The following MFHAS1 variants were observed in gnomAD, a reference collection of about 807,000 sequenced individuals.
MFHAS1 encodes malignant fibrous histiocytoma-amplified sequence 1.
Under a neutral mutation model 70.4 loss-of-function variants are expected in MFHAS1, and 50 were observed. The observed-to-expected ratio is 0.71, with a 90% CI of 0.57 to 0.90. The LOEUF (loss-of-function observed/expected upper bound fraction) is 0.90. MFHAS1 is among the 40% of genes least tolerant of loss of function. The probability of loss-of-function intolerance (pLI) is 0.00; values close to 1 mark genes in which losing one functional copy is unlikely to be tolerated. For missense variants in MFHAS1, 1,795 were observed against 1,347.6 expected (o/e 1.33, Z -5.20); for synonymous variants, 952 against 620.0 (o/e 1.54, Z -7.96).
chr8:8,892,503 G>A lies in MFHAS1; in HGVS notation c.556C>T (p.Leu186=). 1.9e-6 allele frequency: 3 copies of A among 1,604,478 alleles called. No homozygotes were observed. The highest frequency in any genetic ancestry group is 2.3e-5 in the East Asian group (1 of 44,416). Residue 186 remains leucine, a synonymous_variant, in exon 1 of 3, where the codon CTG becomes TTG. Transcript: ENST00000276282. This position sits in a 1 kb window ranked among gnomAD's most constrained non-coding sequence, Gnocchi z 4.7. ...GTGAGCTGGTTGTGATCCACGTCCAGGGTGCGCAGGCGGGAGAGGCAGGAG... is the reference window on the plus strand; with the variant it reads ...GTGAGCTGGTTGTGATCCACGTCCAAGGTGCGCAGGCGGGAGAGGCAGGAG... The part of the protein sequence containing the change: ...SLSCLSRLRT[L]DVDHNQLTAF...
In MFHAS1 at chr8:8,892,955, GTAA is replaced by G. The variant is rs1810148173; in HGVS notation, c.101_103del (p.Leu34_Thr35delinsPro). The G allele has an allele frequency of 6.5e-7, 1 of 1,546,140 alleles. No individual in the cohort carries two copies. On this transcript the variant is annotated inframe_deletion, in exon 1 of 3. Coordinates refer to ENST00000276282, the MANE Select transcript of MFHAS1 (RefSeq NM_004225.3). This position sits in a 1 kb window ranked among gnomAD's most constrained non-coding sequence, Gnocchi z 4.7. ...GGCCCCGGGGCAGGCCCCGGCGGCGGTAAGCGTGAGCTGGCGCAGGTTGCTCCG... is the reference window on the plus strand; with the variant it reads ...GGCCCCGGGGCAGGCCCCGGCGGCGGGCGTGAGCTGGCGCAGGTTGCTCCG...
chr8:8,795,362 T>C (rs989879241), intron 2 of MFHAS1, among the ~76,000 whole-genome samples: 2 of 152,238 alleles, frequency 1.3e-5, no homozygotes, highest in African/African-American at 4.8e-5. Context: ...GGACAGGGGA[T>C]ATTCAGGTTA....
intron 1 of MFHAS1, among the ~76,000 whole-genome samples, chr8:8,867,410 T>C (rs1437463462): frequency 1.3e-5 from 2 of 152,142 alleles, no homozygotes; most frequent in Non-Finnish European, 2.9e-5. Flanking sequence ...GGCCCATAGG[T>C]ACTTGCCTAT....
intron 1 of MFHAS1, among the ~76,000 whole-genome samples, chr8:8,887,887 C>A (rs923869151): frequency 6.6e-6 from 1 of 151,026 alleles, no homozygotes; most frequent in Non-Finnish European, 1.5e-5. Context: ...AACCTCCAGC[C>A]TCGCCCCTAA....
chr8:8,814,849 C>CTTTTTTTTT (rs34438669), intron 1 of MFHAS1, among the ~76,000 whole-genome samples: 2 of 130,428 alleles, frequency 1.5e-5, no homozygotes, highest in Non-Finnish European at 1.6e-5. Flanking sequence ...GCTAGAATTT[C>CTTTTTTTTT]TTTTTTTTTT....
At chr8:8,862,388 G>GTT (rs11446754) in intron 1 of MFHAS1, among the ~76,000 whole-genome samples, 25,429 of 146,910 alleles carry the variant, frequency 0.17, 2,723 homozygotes, top group African/African-American at 0.29. Context: ...GCTATAAGAG[G>GTT]TTTTTTTTTT....
intron 1 of MFHAS1, among the ~76,000 whole-genome samples, chr8:8,855,199 C>T (rs756493015): frequency 2.6e-5 from 4 of 152,210 alleles, no homozygotes; most frequent in South Asian, 2.1e-4. Context: ...GGGATCCACC[C>T]GCCTCGGCCT....
At chr8:8,787,898 A>C (rs139797781) in intron 2 of MFHAS1, among the ~76,000 whole-genome samples, 1 of 152,322 alleles carries the variant, frequency 6.6e-6, no homozygotes, top group Non-Finnish European at 1.5e-5. Context: ...AAATTGTTTC[A>C]CATCTATATG....
chr8:8,887,865 A>AAC (rs1554490662), intron 1 of MFHAS1, among the ~76,000 whole-genome samples: 1 of 149,974 alleles, frequency 6.7e-6, no homozygotes, highest in African/African-American at 2.4e-5. Flanking sequence ...AAAACAAAAA[A>AAC]AAAAAAAAAA....
intron 1 of MFHAS1, among the ~76,000 whole-genome samples, chr8:8,861,464 TCATATA>T (rs1423354943): frequency 1.3e-5 from 2 of 152,158 alleles, no homozygotes; most frequent in Non-Finnish European, 2.9e-5. Flanking sequence ...ACCACAATAT[TCATATA>T]CAAAGGATAT....
In MFHAS1 at chr8:8,785,048, AAT is replaced by A. The variant is rs1383953507; in HGVS notation, c.*972_*973del. The A allele has an allele frequency of 6.6e-6, 1 of 152,178 alleles. No homozygotes were observed. Among genetic ancestry groups the A allele is most frequent in the Non-Finnish European group, 1.5e-5 (1 of 68,026 alleles). The allele number at this position is 152,178 out of a possible 1,614,324, so 9.4% of individuals were successfully genotyped here. On this transcript the variant is annotated 3_prime_UTR_variant, in exon 3 of 3. Coordinates refer to ENST00000276282, the MANE Select transcript of MFHAS1 (RefSeq NM_004225.3). ...TCTACAAAGAGCTCTGCTAATAAGTAATATGTTTGCAAAGTGCTCTGCTAAGT... is the reference window on the plus strand; with the variant it reads ...TCTACAAAGAGCTCTGCTAATAAGTAATGTTTGCAAAGTGCTCTGCTAAGT...
At chr8:8,840,355 G>A (rs1291810500) in intron 1 of MFHAS1, among the ~76,000 whole-genome samples, 1 of 151,896 alleles carries the variant, frequency 6.6e-6, no homozygotes, top group African/African-American at 2.4e-5. Context: ...TACTCAGGAG[G>A]CTGAGGCATG....
chr8:8,847,810 CAATT>C (rs1421152185), intron 1 of MFHAS1, among the ~76,000 whole-genome samples: 3 of 152,136 alleles, frequency 2.0e-5, no homozygotes, highest in Admixed American at 6.6e-5. Flanking sequence ...TGTTTAAAGT[CAATT>C]CATTCATTAA....
intron 1 of MFHAS1, among the ~76,000 whole-genome samples, chr8:8,878,789 T>C (rs1028178087): frequency 1.3e-5 from 2 of 152,152 alleles, no homozygotes; most frequent in Non-Finnish European, 2.9e-5. Flanking sequence ...ACAATGTTAA[T>C]AGCATAGACT....
At position 8,890,935 on chromosome 8, in the gene MFHAS1, A is replaced by G; in HGVS notation, c.2124T>C (p.His708=). ...DRLQSALSYL[H]ESGKLLYFED... is the part of the protein sequence containing the mutation. The stretch of plus-strand genomic sequence containing the variant: ...CAAAGTAGAGTAGCTTGCCGCTCTC[A>G]TGCAGGTAGGAGAGGGCACTCTGCA... Residue 708 remains histidine, a synonymous_variant, in exon 1 of 3, where the codon CAT becomes CAC. Coordinates refer to ENST00000276282, the MANE Select transcript of MFHAS1 (RefSeq NM_004225.3). 6.2e-7 allele frequency: 1 copy of G among 1,614,066 alleles called. No homozygotes were observed. The highest frequency in any genetic ancestry group is 8.5e-7 in the Non-Finnish European group (1 of 1,180,012).
chr8:8,873,939 C>T (rs1016855018), intron 1 of MFHAS1, among the ~76,000 whole-genome samples: 4 of 152,152 alleles, frequency 2.6e-5, no homozygotes, highest in African/African-American at 7.2e-5. Context: ...CACTGCATCA[C>T]GTGTAATGGC....
At chr8:8,826,107 T>A (rs1032302577) in intron 1 of MFHAS1, among the ~76,000 whole-genome samples, 13 of 152,316 alleles carry the variant, frequency 8.5e-5, no homozygotes, top group South Asian at 4.1e-4. Flanking sequence ...ATTGTTTTTT[T>A]AAAAAATTTG....
chr8:8,798,027 T>C (rs1805968690), intron 1 of MFHAS1, among the ~76,000 whole-genome samples: 1 of 152,234 alleles, frequency 6.6e-6, no homozygotes, highest in Non-Finnish European at 1.5e-5. Context: ...GGGATTGCCC[T>C]GATAGGTATG....
At chr8:8,889,567 C>G (rs1478484604) in intron 1 of MFHAS1, among the ~76,000 whole-genome samples, 1 of 152,240 alleles carries the variant, frequency 6.6e-6, no homozygotes, top group African/African-American at 2.4e-5. Flanking sequence ...ATCAAAACAT[C>G]TCATGCACCC....
Sources: gnomAD v4.1 joint callset for allele counts (sites outside exome capture counted in the v4.1 genomes callset) on GRCh38, gnomAD v4.1.1 for gene constraint, Gnocchi (gnomAD v3.1) non-coding constraint, MANE v1.5 for transcripts, NCBI Gene and HGNC (gene_info 2026-07-23, HGNC 2026-07-21) for gene names.